FBLN1: variants seen among roughly 807,000 people sequenced by gnomAD.
FBLN1 encodes the protein fibulin-1.
In FBLN1, 34 loss-of-function variants were observed where a neutral mutation model predicts 89.7. That is an observed-to-expected ratio of 0.38 (90% CI 0.29 to 0.50). The LOEUF is 0.50. Ranked by LOEUF, FBLN1 falls within the 20% of genes least tolerant of loss-of-function variation. The probability of loss-of-function intolerance (pLI) is 0.92; values close to 1 mark genes in which losing one functional copy is unlikely to be tolerated. For synonymous variants in FBLN1, 393 were observed against 391.3 expected (o/e 1.00, Z -0.05); for missense variants, 777 against 988.1 (o/e 0.79, Z 2.86).
intron 1 of FBLN1, among the ~76,000 whole-genome samples, chr22:45,518,050 C>T (rs1256315793): frequency 3.4e-5 from 5 of 147,494 alleles, no homozygotes; most frequent in Admixed American, 1.4e-4. Context: ...GAGAATCACT[C>T]GAACCTGGGA....
intron 2 of FBLN1, among the ~76,000 whole-genome samples, chr22:45,522,119 A>G (rs778908615): frequency 6.6e-6 from 1 of 151,976 alleles, no homozygotes; most frequent in East Asian, 1.9e-4. Context: ...CTGAGTAGCT[A>G]GGAGTACAGG....
At chr22:45,514,062 C>T (rs2238807) in intron 1 of FBLN1, among the ~76,000 whole-genome samples, 42,541 of 151,936 alleles carry the variant, frequency 0.28, 6,833 homozygotes, top group East Asian at 0.55. Flanking sequence ...GGATTACAGG[C>T]GTGAGCCACC....
intron 1 of FBLN1, among the ~76,000 whole-genome samples, chr22:45,511,556 C>T (rs2088101466): frequency 6.6e-6 from 1 of 151,574 alleles, no homozygotes; most frequent in African/African-American, 2.4e-5. Context: ...AAGTGATTCT[C>T]TCACCTCAGC....
chr22:45,555,065 A>G (rs886635081), intron 14 of FBLN1, among the ~76,000 whole-genome samples: 3 of 150,670 alleles, frequency 2.0e-5, no homozygotes, highest in Admixed American at 2.0e-4. Flanking sequence ...TCTCCACCGC[A>G]GGAGGTTAGG....
At position 45,563,053 on chromosome 22, in the gene FBLN1, CG is replaced by C; in HGVS notation, c.1698-11454del. On this transcript the variant is annotated intron_variant, in intron 14 of 16. Transcript: ENST00000327858. The surrounding 1 kb of genome is among the most constrained non-coding windows in gnomAD (Gnocchi z 5.7). ...GCATGGGCCCCTCCAGTGCTGTCCC[CG>C]GGGACAGCATGCAGCTGGCCATCAC... The C allele has an allele frequency of 6.2e-7, 1 of 1,613,438 alleles. No homozygotes were observed. Among genetic ancestry groups the C allele is most frequent in the Non-Finnish European group, 8.5e-7 (1 of 1,179,970 alleles).
In FBLN1 at chr22:45,538,066, G is replaced by A. The variant is rs570811292; in HGVS notation, c.922+2729G>A. Among the ~76,000 whole-genome samples, 395 of 152,322 alleles carry A rather than the reference G, an allele frequency of 2.6e-3. 4 individuals are homozygous for A. Among genetic ancestry groups the A allele is most frequent in the Non-Finnish European group, 4.0e-3 (274 of 68,018 alleles). Reference sequence around the variant, plus strand: ...GCACTGTGTATGGGCTGAGGCTCGGGAGCCGTCCCCTTACTGTCCTTCCAG... The same window carrying A: ...GCACTGTGTATGGGCTGAGGCTCGGAAGCCGTCCCCTTACTGTCCTTCCAG... On this transcript the variant is annotated intron_variant, in intron 8 of 16. Transcript: ENST00000327858.
At chr22:45,523,158 G>C (rs150868662) in intron 2 of FBLN1, 1 of 778,706 alleles carries the variant, frequency 1.3e-6, no homozygotes, top group African/African-American at 1.7e-5. Context: ...AGTGGGAAGA[G>C]CATCCCAGGC....
chr22:45,570,353 A>G (rs2088942274), intron 14 of FBLN1, among the ~76,000 whole-genome samples: 1 of 92,158 alleles, frequency 1.1e-5, no homozygotes, highest in Non-Finnish European at 2.2e-5. Context: ...AAGAAAAGAA[A>G]AGAAAAAAAA....
intron 14 of FBLN1, among the ~76,000 whole-genome samples, chr22:45,552,992 C>T (rs993136174): frequency 6.6e-6 from 1 of 152,196 alleles, no homozygotes; most frequent in African/African-American, 2.4e-5. Context: ...TGCCGCTTCC[C>T]GGGGATGGGA....
chr22:45,536,724 C>T lies in FBLN1; in HGVS notation c.922+1387C>T, dbSNP rs1186415549. 2.0e-5 allele frequency among the ~76,000 whole-genome samples: 3 copies of T among 151,578 alleles called. No homozygotes were observed. Among genetic ancestry groups the T allele is most frequent in the Non-Finnish European group, 4.4e-5 (3 of 67,944 alleles). On this transcript the variant is annotated intron_variant, in intron 8 of 16. Coordinates refer to ENST00000327858, the MANE Select transcript of FBLN1 (RefSeq NM_006486.3). The surrounding 1 kb of genome is among the most constrained non-coding windows in gnomAD (Gnocchi z 5.1). ...AGGTTGCAGTGAGCTGAGATCACGC[C>T]ACTGTACTCCAGCCTGGGTGACAGA...
chr22:45,524,013 T>C (rs1452516308), intron 2 of FBLN1, among the ~76,000 whole-genome samples: 2 of 152,322 alleles, frequency 1.3e-5, no homozygotes, highest in African/African-American at 4.8e-5. Flanking sequence ...TCTGGCAGTT[T>C]AGTGAAACGC....
rs557885733 is a variant in FBLN1, at chr22:45,579,481, C to T, written c.1972+2373C>T. Among the ~76,000 whole-genome samples the T allele has an allele frequency of 7.2e-5, 11 of 152,368 alleles. No individual in the cohort carries two copies. The highest frequency in any genetic ancestry group is 2.1e-4 in the South Asian group (1 of 4,828). ...CGGCTTCCCCCGGCACAGTTGGTCA[C>T]GGGTGCCCTGGTCTTTGGAATTCTG... On this transcript the variant is annotated intron_variant, in intron 16 of 16. Coordinates refer to ENST00000327858, the MANE Select transcript of FBLN1 (RefSeq NM_006486.3). The surrounding 1 kb of genome is among the most constrained non-coding windows in gnomAD (Gnocchi z 5.5).
chr22:45,541,401 C>T, intron 9 of FBLN1, 29 bp downstream of exon 9: 1 of 1,613,932 alleles, frequency 6.2e-7, no homozygotes, highest in African/African-American at 1.3e-5. Flanking sequence ...AATCTGAAAT[C>T]CACTTTCCTG....
At chr22:45,539,548 C>G (rs1391637775) in intron 8 of FBLN1, among the ~76,000 whole-genome samples, 1 of 152,090 alleles carries the variant, frequency 6.6e-6, no homozygotes, top group South Asian at 2.1e-4. Flanking sequence ...GGGCTTCCCA[C>G]GTGCCCTGGC....
At position 45,549,084 on chromosome 22, in the gene FBLN1, GC is replaced by G. The variant is rs2088668992; in HGVS notation, c.1573+341del. ...TAGGAAGATGCCCGCCAGGGAGGAA[GC>G]AGTCCAGGCCAGGGGATGGCGTGGC... On this transcript the variant is annotated intron_variant, in intron 13 of 16. Coordinates refer to ENST00000327858, the MANE Select transcript of FBLN1 (RefSeq NM_006486.3). The surrounding 1 kb of genome is among the most constrained non-coding windows in gnomAD (Gnocchi z 5.7). 6.6e-6 allele frequency among the ~76,000 whole-genome samples: 1 copy of G among 152,344 alleles called. No individual in the cohort carries two copies. The highest frequency in any genetic ancestry group is 2.4e-5 in the African/African-American group (1 of 41,586).
chr22:45,525,179 AAGAGAG>A (rs3074733), intron 2 of FBLN1, among the ~76,000 whole-genome samples: 3 of 147,090 alleles, frequency 2.0e-5, no homozygotes, highest in Admixed American at 1.4e-4. Context: ...GAAAGGGAGA[AAGAGAG>A]AGAGAGAGAG....
intron 9 of FBLN1, 33 bp downstream of exon 9, chr22:45,541,405 T>A (rs770974704): frequency 8.1e-6 from 13 of 1,613,734 alleles, no homozygotes; most frequent in Non-Finnish European, 1.1e-5. Flanking sequence ...TGAAATCCAC[T>A]TTCCTGTCTG....
intron 6 of FBLN1, 133 bp from the exon 7 acceptor site, chr22:45,533,628 A>G: frequency 4.1e-6 from 4 of 982,892 alleles, no homozygotes; most frequent in Non-Finnish European, 6.4e-6. Flanking sequence ...GGATGTGCAC[A>G]TGGTGGACCT....
Position 45,525,567 on chromosome 22 carries a change from C to T in FBLN1, c.210C>T (p.His70=). The change falls in exon 3 of 17, where the codon CAC becomes CAT. Residue 70 remains histidine (H), a synonymous_variant. Coordinates refer to ENST00000327858, the MANE Select transcript of FBLN1 (RefSeq NM_006486.3). The stretch of plus-strand genomic sequence containing the variant: ...GGATGGTGCAGGAGCAGTGCTGCCA[C>T]AGCCAGCTGGAGGAGCTGCACTGTG... ...ECRMVQEQCC[H]SQLEELHCAT... The T allele has an allele frequency of 1.9e-6, 3 of 1,549,760 alleles. No homozygotes were observed. The highest frequency in any genetic ancestry group is 1.7e-6 in the Non-Finnish European group (2 of 1,146,826).
Sources: gnomAD v4.1 joint callset for allele counts (sites outside exome capture counted in the v4.1 genomes callset) on GRCh38, gnomAD v4.1.1 for gene constraint, Gnocchi (gnomAD v3.1) non-coding constraint, MANE v1.5 for transcripts, NCBI Gene and HGNC (gene_info 2026-07-23, HGNC 2026-07-21) for gene names.